The following CHRM3 variants were observed in gnomAD, a reference collection of about 807,000 sequenced individuals.
CHRM3 encodes the protein cholinergic receptor muscarinic 3, also known as muscarinic acetylcholine receptor M3.
Under a neutral mutation model 41.8 loss-of-function variants are expected in CHRM3, and 11 were observed. That is an observed-to-expected ratio of 0.26 (90% CI 0.17 to 0.44). The LOEUF (loss-of-function observed/expected upper bound fraction) is 0.44. CHRM3 is among the 20% of genes least tolerant of loss of function. The pLI is 1.00. For missense variants in CHRM3, 571 were observed against 745.4 expected (o/e 0.77, Z 2.72); for synonymous variants, 297 against 301.4 (o/e 0.99, Z 0.15).
At chr1:239,869,694 T>G (rs1676413055) in intron 6 of CHRM3, among the ~76,000 whole-genome samples, 1 of 152,356 alleles carries the variant, frequency 6.6e-6, no homozygotes, top group East Asian at 1.9e-4. Flanking sequence ...TATTACTGTA[T>G]TAATTGCCCC....
At chr1:239,434,706 T>A (rs1317814947) in intron 1 of CHRM3, among the ~76,000 whole-genome samples, 2 of 152,106 alleles carry the variant, frequency 1.3e-5, no homozygotes, top group South Asian at 2.1e-4. Flanking sequence ...CAGACAAAAA[T>A]TTCTGCATGC....
chr1:239,894,504 C>T (rs902763578), intron 6 of CHRM3, among the ~76,000 whole-genome samples: 1 of 152,164 alleles, frequency 6.6e-6, no homozygotes, highest in African/African-American at 2.4e-5. Context: ...ACGATCTCAG[C>T]TCACTGCAAC....
chr1:239,559,832 T>C (rs1660698090), intron 3 of CHRM3, among the ~76,000 whole-genome samples: 1 of 152,198 alleles, frequency 6.6e-6, no homozygotes, highest in East Asian at 1.9e-4. Flanking sequence ...CTTCTTGTTA[T>C]CGCAGGACCC....
intron 4 of CHRM3, among the ~76,000 whole-genome samples, chr1:239,649,499 G>A (rs1185918870): frequency 6.6e-6 from 1 of 152,194 alleles, no homozygotes; most frequent in Non-Finnish European, 1.5e-5. Flanking sequence ...GGAATTCGAG[G>A]CAGTTGATAC....
chr1:239,746,656 G>A (rs1432612746), intron 5 of CHRM3, among the ~76,000 whole-genome samples: 1 of 152,020 alleles, frequency 6.6e-6, no homozygotes, highest in Non-Finnish European at 1.5e-5. Context: ...TAAGTTTGAA[G>A]GATCAAAAAA....
Position 239,743,753 on chromosome 1 carries a change from G to T in CHRM3, c.-147+65465G>T, listed in dbSNP as rs113780720. 4.0e-3 allele frequency among the ~76,000 whole-genome samples: 582 copies of T among 143,896 alleles called. 6 individuals carry two copies. The highest frequency in any genetic ancestry group is 0.014 in the African/African-American group (544 of 38,938). The allele number at this position is 143,896 out of a possible 152,430, so 94.4% of individuals were successfully genotyped here. A position where few individuals can be genotyped will look rare whatever the true frequency, so the allele number is the denominator to read the frequency against. On this transcript the variant is annotated intron_variant, in intron 5 of 6. Coordinates refer to ENST00000676153, the MANE Select transcript of CHRM3 (RefSeq NM_001375978.1). ...TAACTCAGTTTCTCCTTGCCTCAGT[G>T]ATCTTCTTTTTCTTTTTCTTTTTCT...
At position 239,517,543 on chromosome 1, in the gene CHRM3, C is replaced by T. The variant is rs188604218; in HGVS notation, c.-422+24736C>T. On this transcript the variant is annotated intron_variant, in intron 2 of 6. Coordinates refer to ENST00000676153, the MANE Select transcript of CHRM3 (RefSeq NM_001375978.1). ...ACGTAATATGGCTAATACAGTTGAT[C>T]CGGAATTTAGTGAAGCATATATAAT... Among the ~76,000 whole-genome samples, 36 of 152,218 alleles carry T rather than the reference C, an allele frequency of 2.4e-4. No individual in the cohort carries two copies. In the East Asian group the frequency reaches 5.4e-3, roughly 23 times the overall value.
intron 6 of CHRM3, among the ~76,000 whole-genome samples, chr1:239,846,566 A>G (rs1219841535): frequency 6.6e-6 from 1 of 152,210 alleles, no homozygotes; most frequent in Non-Finnish European, 1.5e-5. Context: ...AGCAAATGGC[A>G]GAGTGATATG....
Position 239,633,074 on chromosome 1 carries a change from A to G in CHRM3, c.-250+788A>G, listed in dbSNP as rs189429019. On this transcript the variant is annotated intron_variant, in intron 4 of 6. Coordinates refer to ENST00000676153, the MANE Select transcript of CHRM3 (RefSeq NM_001375978.1). ...TGCAAGCTCCGCCTCCCGGGTTCAC[A>G]CCATTCTCCTGCCTCAGCCTCCCGA... Among the ~76,000 whole-genome samples the G allele has an allele frequency of 5.1e-3, 773 of 152,188 alleles. 7 individuals are homozygous for G. The highest frequency in any genetic ancestry group is 8.8e-3 in the Admixed American group (135 of 15,292).
chr1:239,816,118 C>T (rs1213205224), intron 5 of CHRM3, among the ~76,000 whole-genome samples: 1 of 152,088 alleles, frequency 6.6e-6, no homozygotes, highest in African/African-American at 2.4e-5. Context: ...AGAGGATTCA[C>T]CCACCCACCA....
chr1:239,633,482 A>G (rs747868161), intron 4 of CHRM3, among the ~76,000 whole-genome samples: 1 of 152,260 alleles, frequency 6.6e-6, no homozygotes, highest in Non-Finnish European at 1.5e-5. Context: ...ACACAGAGCC[A>G]AACCTTATCA....
chr1:239,717,465 A>C (rs1662495478), intron 5 of CHRM3, among the ~76,000 whole-genome samples: 1 of 116,706 alleles, frequency 8.6e-6, no homozygotes, highest in South Asian at 2.9e-4. Flanking sequence ...AAAGACACAC[A>C]CGCACACACA....
At chr1:239,646,675 T>A (rs16832150) in intron 4 of CHRM3, among the ~76,000 whole-genome samples, 39,910 of 151,974 alleles carry the variant, frequency 0.26, 6,018 homozygotes, top group East Asian at 0.65. Flanking sequence ...ATGCAAGTGA[T>A]AGCTTCAGAG....
chr1:239,640,516 T>G (rs1231639631), intron 4 of CHRM3, among the ~76,000 whole-genome samples: 13 of 152,224 alleles, frequency 8.5e-5, no homozygotes, highest in South Asian at 4.1e-4. Context: ...GTCGAGGAAT[T>G]TATCCATTTC....
At chr1:239,614,145 T>C (rs955857605) in intron 3 of CHRM3, among the ~76,000 whole-genome samples, 2 of 152,098 alleles carry the variant, frequency 1.3e-5, no homozygotes, top group South Asian at 2.1e-4. Context: ...CAAGCCTGGG[T>C]GACAGAATGA....
chr1:239,726,409 T>G (rs532572980), intron 5 of CHRM3, among the ~76,000 whole-genome samples: 5 of 151,958 alleles, frequency 3.3e-5, no homozygotes, highest in South Asian at 2.1e-4. Flanking sequence ...GATCATTTAG[T>G]TTTTTTTCCG....
chr1:239,906,337 T>C (rs1679963870), intron 6 of CHRM3, among the ~76,000 whole-genome samples: 1 of 152,190 alleles, frequency 6.6e-6, no homozygotes, highest in African/African-American at 2.4e-5. Flanking sequence ...AGCATAAATG[T>C]AGTAGCAGGG....
chr1:239,540,224 C>CAAAA (rs1572649014), intron 2 of CHRM3, among the ~76,000 whole-genome samples: 1 of 152,174 alleles, frequency 6.6e-6, no homozygotes, highest in East Asian at 1.9e-4. Context: ...GTGTTGACTA[C>CAAAA]TTTATCTTAA....
At chr1:239,405,394 C>T (rs1008417531) in intron 1 of CHRM3, among the ~76,000 whole-genome samples, 3 of 152,154 alleles carry the variant, frequency 2.0e-5, no homozygotes, top group East Asian at 1.9e-4. Flanking sequence ...CAGGACAAGA[C>T]GCTGCCTTTG....
Sources: gnomAD v4.1 joint callset for allele counts (sites outside exome capture counted in the v4.1 genomes callset) on GRCh38, gnomAD v4.1.1 for gene constraint, MANE v1.5 for transcripts, NCBI Gene and HGNC (gene_info 2026-07-23, HGNC 2026-07-21) for gene names.